Variants in COL9A1 observed in about 807,000 individuals in gnomAD.
The protein encoded by COL9A1 is collagen type IX alpha 1 chain, also known as collagen alpha-1(IX) chain.
A neutral mutation model predicts 142.6 loss-of-function variants in COL9A1; 104 were observed. The ratio of observed to expected loss-of-function variants is 0.73; its 90% CI spans 0.62 to 0.86. The LOEUF (loss-of-function observed/expected upper bound fraction) is 0.86, where lower values mean the gene tolerates loss of function less well. Ranked by LOEUF, COL9A1 falls within the 40% of genes least tolerant of loss-of-function variation. The pLI is 0.00. For missense variants in COL9A1, 1,210 were observed against 1,176.6 expected (o/e 1.03, Z -0.42); for synonymous variants, 466 against 396.0 (o/e 1.18, Z -2.10).
chr6:70,242,741 T>C, intron 28 of COL9A1, 26 bp from the exon 29 acceptor site: 2 of 1,610,784 alleles, frequency 1.2e-6, no homozygotes. Context: ...CATTGTCAAT[T>C]GGATATTTTG....
At chr6:70,280,283 T>C in intron 10 of COL9A1, 7 of 1,242,376 alleles carry the variant, frequency 5.6e-6, no homozygotes, top group Non-Finnish European at 7.1e-6. Context: ...TCCCCGCACA[T>C]CCCCACTCAC....
chr6:70,254,144 T>C (rs1771120814), intron 25 of COL9A1, among the ~76,000 whole-genome samples: 1 of 152,134 alleles, frequency 6.6e-6, no homozygotes, highest in Non-Finnish European at 1.5e-5. Context: ...TAACAAGAGC[T>C]TTAGAACCGG....
rs952186751 is a variant in COL9A1, at chr6:70,272,362, C to T, written c.1066-274G>A. Among the ~76,000 whole-genome samples the T allele has an allele frequency of 6.6e-5, 10 of 151,992 alleles. No homozygotes were observed. In the East Asian group the frequency reaches 1.7e-3, roughly 26 times the overall value. ...AAGGAAATCAAAGTAAAGAAGCCTT[C>T]CATGCTTGCCCTCAGGAGAACTTAC... On this transcript the variant is annotated intron_variant, in intron 12 of 37. Coordinates refer to ENST00000357250, the MANE Select transcript of COL9A1 (RefSeq NM_001851.6).
chr6:70,219,721 A>G (rs1212359195), intron 37 of COL9A1, among the ~76,000 whole-genome samples: 1 of 152,244 alleles, frequency 6.6e-6, no homozygotes, highest in Non-Finnish European at 1.5e-5. Context: ...CGGGGAATAC[A>G]GGCCAGTGTT....
At chr6:70,247,218 G>A (rs752870715) in intron 28 of COL9A1, among the ~76,000 whole-genome samples, 2 of 152,120 alleles carry the variant, frequency 1.3e-5, no homozygotes, top group Non-Finnish European at 2.9e-5. Flanking sequence ...CATCAAGCAG[G>A]CAACTTCTTT....
chr6:70,260,039 G>A (rs1011898420), intron 20 of COL9A1, among the ~76,000 whole-genome samples: 16 of 152,196 alleles, frequency 1.1e-4, no homozygotes, highest in East Asian at 1.9e-4. Flanking sequence ...GACCAGAAGC[G>A]CTCCAGGCAC....
intron 10 of COL9A1, among the ~76,000 whole-genome samples, chr6:70,275,854 C>G (rs973706965): frequency 6.6e-6 from 1 of 152,008 alleles, no homozygotes; most frequent in Non-Finnish European, 1.5e-5. Flanking sequence ...ACAGAGGGAT[C>G]TCTTGAAAAA....
At chr6:70,277,564 C>G (rs1360336282) in intron 10 of COL9A1, among the ~76,000 whole-genome samples, 1 of 152,152 alleles carries the variant, frequency 6.6e-6, no homozygotes, top group Non-Finnish European at 1.5e-5. Flanking sequence ...AACATTGAAG[C>G]TGACTGTGTT....
chr6:70,248,265 C>G (rs1360330224), intron 28 of COL9A1, among the ~76,000 whole-genome samples: 1 of 152,174 alleles, frequency 6.6e-6, no homozygotes, highest in Non-Finnish European at 1.5e-5. Context: ...AGAAGCATAG[C>G]CTACATCGTA....
intron 10 of COL9A1, 190 bp downstream of exon 10, chr6:70,280,622 C>G: frequency 7.7e-7 from 1 of 1,294,190 alleles, no homozygotes; most frequent in African/African-American, 1.5e-5. Context: ...GGTATCCTCA[C>G]CTTCACAAGT....
At chr6:70,274,593 C>T (rs1169590334) in intron 11 of COL9A1, 126 bp downstream of exon 11, 2 of 781,518 alleles carry the variant, frequency 2.6e-6, no homozygotes, top group Admixed American at 2.0e-5. Context: ...TTTTTAAACA[C>T]AATTTTAGTT....
At chr6:70,275,028 G>A (rs149328146) in intron 10 of COL9A1, 11 of 486,350 alleles carry the variant, frequency 2.3e-5, no homozygotes, top group African/African-American at 2.0e-4. Flanking sequence ...TTTATCACAG[G>A]GTTCAATAAT....
chr6:70,270,161 G>A (rs1207194637), intron 15 of COL9A1, among the ~76,000 whole-genome samples, 153 bp downstream of exon 15: 1 of 152,144 alleles, frequency 6.6e-6, no homozygotes, highest in Non-Finnish European at 1.5e-5. Context: ...GCCCTAAACA[G>A]AACCATGCCC....
chr6:70,269,462 G>C (rs1772252332), intron 16 of COL9A1, among the ~76,000 whole-genome samples, 171 bp downstream of exon 16: 2 of 152,214 alleles, frequency 1.3e-5, no homozygotes, highest in South Asian at 4.1e-4. Context: ...TTATTAGTCT[G>C]AGTAGATGCA....
chr6:70,257,520 G>T (rs976933578), intron 20 of COL9A1, among the ~76,000 whole-genome samples: 15 of 152,124 alleles, frequency 9.9e-5, no homozygotes, highest in Non-Finnish European at 1.5e-4. Context: ...ACCGCCAGGT[G>T]GGGGGATCAC....
intron 37 of COL9A1, among the ~76,000 whole-genome samples, chr6:70,223,276 A>G (rs1769001245): frequency 1.3e-5 from 2 of 152,204 alleles, no homozygotes. Context: ...TGAACAACCA[A>G]CATTTCTTGA....
rs576180930 is a variant in COL9A1 at position 70,249,983 on chromosome 6, G to A, written c.1872+2137C>T. ...GCTCTTTAAAGTGACTAATACAGCC[G>A]GGTGAGGTGGCTCACACCTGTAATC... is the stretch of plus-strand genomic sequence containing the variant. On this transcript the variant is annotated intron_variant, in intron 28 of 37. Transcript: ENST00000357250. 7.2e-5 allele frequency among the ~76,000 whole-genome samples: 11 copies of A among 152,236 alleles called. No individual in the cohort carries two copies. The South Asian group carries it at 8.3e-4, about 11-fold the overall frequency.
intron 36 of COL9A1, among the ~76,000 whole-genome samples, chr6:70,227,083 T>C (rs1352079227): frequency 6.6e-6 from 1 of 151,998 alleles, no homozygotes; most frequent in African/African-American, 2.4e-5. Flanking sequence ...GTTGAACAAT[T>C]CAGTAAATGG....
chr6:70,286,014 G>A (rs552870960), intron 5 of COL9A1, among the ~76,000 whole-genome samples: 13 of 152,074 alleles, frequency 8.5e-5, no homozygotes, highest in African/African-American at 1.4e-4. Flanking sequence ...TCAGCCTCCC[G>A]AGTAGCTGGG....
Sources: allele counts gnomAD v4.1 joint callset (sites outside exome capture counted in the v4.1 genomes callset), GRCh38; gene constraint gnomAD v4.1.1; transcripts MANE v1.5; gene names NCBI Gene and HGNC (gene_info 2026-07-23, HGNC 2026-07-21).